Variants in AFAP1L2 observed in about 807,000 individuals in gnomAD.
AFAP1L2 encodes the protein actin filament-associated protein 1-like 2.
AFAP1L2 carries 46 observed loss-of-function variants against 99.3 expected under a neutral mutation model. The ratio of observed to expected loss-of-function variants is 0.46; its 90% CI spans 0.37 to 0.59. AFAP1L2 has a LOEUF of 0.59. AFAP1L2 is among the 20% of genes least tolerant of loss of function. The pLI is 0.00. For synonymous variants in AFAP1L2, 397 were observed against 419.1 expected (o/e 0.95, Z 0.64); for missense variants, 959 against 1,034.9 (o/e 0.93, Z 1.01).
At chr10:114,340,819 A>G in intron 1 of AFAP1L2, 88 bp from the exon 2 acceptor site, 1 of 1,574,872 alleles carries the variant, frequency 6.3e-7, no homozygotes, top group Non-Finnish European at 8.7e-7. Flanking sequence ...GCAGCCTCCC[A>G]CCTCGAACCC....
intron 1 of AFAP1L2, among the ~76,000 whole-genome samples, chr10:114,372,766 G>A (rs1008432489): frequency 6.6e-6 from 1 of 151,970 alleles, no homozygotes; most frequent in African/African-American, 2.4e-5. Context: ...CCCCTTCCTG[G>A]CAATGACTAT....
intron 4 of AFAP1L2, among the ~76,000 whole-genome samples, chr10:114,327,516 C>T (rs1358973121): frequency 1.3e-5 from 2 of 152,004 alleles, no homozygotes; most frequent in South Asian, 2.1e-4. Flanking sequence ...GAAGGGACTG[C>T]GTGAGCGAGT....
the AFAP1L2 span, among the ~76,000 whole-genome samples, chr10:114,286,863 A>G: frequency 6.6e-6 from 1 of 152,208 alleles, no homozygotes; most frequent in African/African-American, 2.4e-5. Flanking sequence ...CAGGCTCCAG[A>G]GCAGCAGCTT....
chr10:114,287,068 C>T, the AFAP1L2 span, among the ~76,000 whole-genome samples: 1 of 152,246 alleles, frequency 6.6e-6, no homozygotes, highest in African/African-American at 2.4e-5. Context: ...CTCTTCTGTT[C>T]TGTTTTGCAA....
chr10:114,366,635 T>C (rs1311268851), intron 1 of AFAP1L2, among the ~76,000 whole-genome samples: 1 of 152,190 alleles, frequency 6.6e-6, no homozygotes, highest in African/African-American at 2.4e-5. Context: ...CTACCAGTTC[T>C]TCAGGGGTGG....
At chr10:114,362,804 A>T (rs997870318) in intron 1 of AFAP1L2, 4 of 471,860 alleles carry the variant, frequency 8.5e-6, no homozygotes, top group Non-Finnish European at 1.1e-5. Context: ...TAACCTCATT[A>T]GAAAAAAATC....
rs544082369 is a variant in AFAP1L2 at position 114,340,480 on chromosome 10, T to A, written c.145+123A>T. 6.8e-5 allele frequency: 90 copies of A among 1,329,542 alleles called. No homozygotes were observed. In the East Asian group the frequency reaches 1.7e-3, roughly 26 times the overall value. 82.4% of individuals were successfully genotyped at this position (1,329,542 alleles called of 1,614,324 possible). On this transcript the variant is annotated intron_variant, in intron 2 of 18. Coordinates refer to ENST00000304129, the MANE Select transcript of AFAP1L2 (RefSeq NM_001001936.3). ...ATGTTAGACTTCTGGCCTCCAGAAG[T>A]GTGAGAAAATAAGTGTCATTTATAG...
In AFAP1L2 at chr10:114,295,408, T is replaced by C; in HGVS notation, c.*634A>G. On this transcript the variant is annotated 3_prime_UTR_variant, in exon 19 of 19. Coordinates refer to ENST00000304129, the MANE Select transcript of AFAP1L2 (RefSeq NM_001001936.3). Reference sequence around the variant, plus strand: ...TTGGACTGGAAAGAAGTCTTTAACTTAGTGGGATTAGTGCTTCAGCTTGGT... The same window carrying C: ...TTGGACTGGAAAGAAGTCTTTAACTCAGTGGGATTAGTGCTTCAGCTTGGT... 1 of 985,818 alleles carries C rather than the reference T, an allele frequency of 1.0e-6. No homozygotes were observed. Among genetic ancestry groups the C allele is most frequent in the African/African-American group, 1.7e-5 (1 of 57,374 alleles). 61.1% of individuals were successfully genotyped at this position (985,818 alleles called of 1,614,324 possible).
downstream of AFAP1L2, chr10:114,290,237 T>C: frequency 1.3e-6 from 2 of 1,550,360 alleles, no homozygotes; most frequent in South Asian, 1.2e-5. Flanking sequence ...TTCTCCATTG[T>C]AGAAGCCAAG....
intron 1 of AFAP1L2, among the ~76,000 whole-genome samples, chr10:114,366,836 C>T (rs2053332618): frequency 6.6e-6 from 1 of 152,112 alleles, no homozygotes; most frequent in Non-Finnish European, 1.5e-5. Flanking sequence ...GGCGTGGTGT[C>T]GCGCGCCTTT....
chr10:114,388,788 C>A (rs1417345097), intron 1 of AFAP1L2, among the ~76,000 whole-genome samples: 2 of 152,316 alleles, frequency 1.3e-5, no homozygotes, highest in East Asian at 3.9e-4. Flanking sequence ...GATACTTGAG[C>A]TTGAGAAAAC....
chr10:114,376,671 G>T (rs916250571), intron 1 of AFAP1L2, among the ~76,000 whole-genome samples: 1 of 152,162 alleles, frequency 6.6e-6, no homozygotes, highest in Non-Finnish European at 1.5e-5. Flanking sequence ...ATTTTGAAAT[G>T]ATCACAAGGG....
At chr10:114,320,142 T>C (rs4918898) in intron 5 of AFAP1L2, among the ~76,000 whole-genome samples, 112,741 of 152,036 alleles carry the variant, frequency 0.74, 43,619 homozygotes, top group East Asian at 0.93. Flanking sequence ...TTGTTACAGC[T>C]GCTAGCAGTA....
At chr10:114,399,665 C>T (rs1486437374) in intron 1 of AFAP1L2, among the ~76,000 whole-genome samples, 6 of 152,272 alleles carry the variant, frequency 3.9e-5, no homozygotes, top group East Asian at 3.9e-4. Flanking sequence ...TTTGGAGACA[C>T]GGTCACACAA....
intron 2 of AFAP1L2, 110 bp downstream of exon 2, chr10:114,340,493 G>C (rs1044143503): frequency 7.2e-7 from 1 of 1,398,232 alleles, no homozygotes; most frequent in Non-Finnish European, 9.7e-7. Context: ...GAGAAAATAA[G>C]TGTCATTTAT....
intron 1 of AFAP1L2, among the ~76,000 whole-genome samples, chr10:114,366,015 T>C (rs754493838): frequency 6.6e-6 from 1 of 152,074 alleles, no homozygotes; most frequent in Non-Finnish European, 1.5e-5. Context: ...AGATTATAGG[T>C]ATGAGCCACT....
intron 1 of AFAP1L2, among the ~76,000 whole-genome samples, chr10:114,388,541 G>T (rs889461751): frequency 6.6e-6 from 1 of 152,184 alleles, no homozygotes; most frequent in Non-Finnish European, 1.5e-5. Context: ...AACGGTGCTT[G>T]CATGTTTGTG....
intron 18 of AFAP1L2, chr10:114,296,559 T>C: frequency 4.6e-6 from 1 of 216,308 alleles, no homozygotes; most frequent in Non-Finnish European, 9.3e-6. Context: ...TTGCCAGTAG[T>C]TGGGTGGGCA....
At chr10:114,314,175 A>C in intron 6 of AFAP1L2, 125 bp from the exon 7 acceptor site, 1 of 921,456 alleles carries the variant, frequency 1.1e-6, no homozygotes. Flanking sequence ...AGCAAGACTA[A>C]GAGGCTGGAC....
Sources: gnomAD v4.1 joint callset for allele counts (sites outside exome capture counted in the v4.1 genomes callset) on GRCh38, gnomAD v4.1.1 for gene constraint, MANE v1.5 for transcripts, NCBI Gene and HGNC (gene_info 2026-07-23, HGNC 2026-07-21) for gene names.